Variants in PIK3R4 observed in about 807,000 individuals in gnomAD.
PIK3R4 encodes the protein phosphoinositide 3-kinase regulatory subunit 4.
A neutral mutation model predicts 136.5 loss-of-function variants in PIK3R4; 46 were observed. The observed-to-expected ratio is 0.34, with a 90% confidence interval of 0.27 to 0.43. PIK3R4 has a LOEUF of 0.43. Ranked by LOEUF, PIK3R4 falls within the 20% of genes least tolerant of loss-of-function variation. PIK3R4 has a pLI of 1.00. For missense variants in PIK3R4, 1,331 were observed against 1,649.5 expected, an observed-to-expected ratio of 0.81 and a Z score of 3.35; for synonymous variants, 557 against 566.7, an observed-to-expected ratio of 0.98 and a Z score of 0.24.
rs1409670926 is a variant in PIK3R4 at position 130,680,681 on chromosome 3, C to T, written c.3838G>A (p.Ala1280Thr). The T allele has an allele frequency of 1.9e-6, 3 of 1,612,868 alleles. No individual in the cohort carries two copies. In the African/African-American group the frequency reaches 4.0e-5, roughly 22 times the overall value. ...ACAGATGGGGAACTAGTACTTCCTG[C>T]AACAACATAGGACCTTTCTGGGTAA... ...LAYPERSYVV[A>T]GSTSSPSVSY... The change falls in exon 19 of 20, where the codon GCA becomes ACA. Residue 1280 changes from alanine (A) to threonine (T), a missense_variant. By Grantham distance (58) the Ala-to-Thr change is moderately conservative (BLOSUM62 0). Around this residue, in one of 2 missense-constraint regions of PIK3R4, gnomAD observed 1,180 missense variants for 1,407.0 expected, o/e 0.84. Coordinates refer to ENST00000356763, the MANE Select transcript of PIK3R4 (RefSeq NM_014602.3).
At chr3:130,686,068 A>G in intron 15 of PIK3R4, 143 bp downstream of exon 15, 1 of 614,642 alleles carries the variant, frequency 1.6e-6, no homozygotes, top group Non-Finnish European at 2.9e-6. Context: ...TAAAATTGCA[A>G]GTTATTTTAA....
At chr3:130,738,983 A>C (rs2066802999) in intron 2 of PIK3R4, among the ~76,000 whole-genome samples, 3 of 152,274 alleles carry the variant, frequency 2.0e-5, no homozygotes, top group Non-Finnish European at 4.4e-5. Context: ...ACAAAAATTC[A>C]ATCAGGCAAG....
intron 14 of PIK3R4, among the ~76,000 whole-genome samples, 178 bp from the exon 15 acceptor site, chr3:130,686,600 A>G (rs2066492635): frequency 6.6e-6 from 1 of 152,194 alleles, no homozygotes; most frequent in Admixed American, 6.5e-5. Context: ...TTGCAAAAAT[A>G]GTAGAGTTGC....
At chr3:130,735,666 T>A (rs1230248171) in intron 3 of PIK3R4, among the ~76,000 whole-genome samples, 1 of 152,186 alleles carries the variant, frequency 6.6e-6, no homozygotes, top group Admixed American at 6.5e-5. Context: ...AGATTTTTTT[T>A]AAGTCAAATG....
intron 7 of PIK3R4, among the ~76,000 whole-genome samples, chr3:130,721,303 G>C (rs548176244): frequency 2.0e-5 from 3 of 149,930 alleles, no homozygotes; most frequent in African/African-American, 4.9e-5. Flanking sequence ...CGCCACTGCA[G>C]TCCAGCCTGG....
chr3:130,741,567 C>T (rs1335015085), intron 2 of PIK3R4, among the ~76,000 whole-genome samples: 1 of 152,208 alleles, frequency 6.6e-6, no homozygotes, highest in Non-Finnish European at 1.5e-5. Flanking sequence ...ATCACTGAGT[C>T]TGTATCATTC....
chr3:130,680,210 G>A (rs1486888255), intron 19 of PIK3R4, among the ~76,000 whole-genome samples: 1 of 152,128 alleles, frequency 6.6e-6, no homozygotes, highest in Non-Finnish European at 1.5e-5. Flanking sequence ...AGGTGCTAAA[G>A]GTATATTCTC....
chr3:130,744,004 T>C (rs1559832638), intron 2 of PIK3R4, among the ~76,000 whole-genome samples: 1 of 152,230 alleles, frequency 6.6e-6, no homozygotes. Flanking sequence ...CAGGTTTCAA[T>C]GTAAATATCA....
chr3:130,698,091 T>C (rs755777793), intron 13 of PIK3R4, among the ~76,000 whole-genome samples: 1 of 152,208 alleles, frequency 6.6e-6, no homozygotes, highest in Non-Finnish European at 1.5e-5. Flanking sequence ...TTATAGAACA[T>C]CCCTTGTATG....
chr3:130,741,762 G>A (rs1179495807), intron 2 of PIK3R4, among the ~76,000 whole-genome samples: 4 of 152,108 alleles, frequency 2.6e-5, no homozygotes, highest in Non-Finnish European at 4.4e-5. Context: ...GCTCCATAAT[G>A]GCAAAAGCTT....
Position 130,739,072 on chromosome 3 carries a change from TTTTTG to T in PIK3R4, c.734-3075_734-3071del, listed in dbSNP as rs567098445. ...ATTAGCACACCTTTTTTTGTTTGTT[TTTTTG>T]TTTTGTTTTGTTTTTTTGAGACGGA... On this transcript the variant is annotated intron_variant, in intron 2 of 19. Transcript: ENST00000356763. Among the ~76,000 whole-genome samples, 282 of 152,008 alleles carry T rather than the reference TTTTTG, an allele frequency of 1.9e-3. 2 individuals are homozygous for T. Among genetic ancestry groups the T allele is most frequent in the African/African-American group, 6.6e-3 (272 of 41,526 alleles).
intron 2 of PIK3R4, among the ~76,000 whole-genome samples, chr3:130,739,738 C>T (rs562395794): frequency 6.6e-6 from 1 of 152,086 alleles, no homozygotes; most frequent in Non-Finnish European, 1.5e-5. Flanking sequence ...AAATAAAAAA[C>T]TATAGAGGGG....
intron 15 of PIK3R4, 124 bp downstream of exon 15, chr3:130,686,087 T>TG (rs2066488060): frequency 1.6e-6 from 1 of 628,966 alleles, no homozygotes; most frequent in East Asian, 2.8e-5. Flanking sequence ...AACATGACTA[T>TG]GAAAAAAAAA....
At chr3:130,686,048 GA>G (rs199827226) in intron 15 of PIK3R4, among the ~76,000 whole-genome samples, 162 bp downstream of exon 15, 18 of 113,924 alleles carry the variant, frequency 1.6e-4, no homozygotes, top group African/African-American at 3.3e-4. Flanking sequence ...GTTTTTTAAT[GA>G]AAAAAAAATA....
In PIK3R4 at chr3:130,719,304, T is replaced by C. The variant is rs571126133; in HGVS notation, c.1982-770A>G. 1.5e-4 allele frequency among the ~76,000 whole-genome samples: 23 copies of C among 152,132 alleles called. No homozygotes were observed. The East Asian group carries it at 2.3e-3, about 15-fold the overall frequency. Reference sequence around the variant, plus strand: ...TCCAAACTTTTAAAGGCAAGAAAAATTGTATTAGCTCTGAGCATGCAAACA... The same window carrying C: ...TCCAAACTTTTAAAGGCAAGAAAAACTGTATTAGCTCTGAGCATGCAAACA... On this transcript the variant is annotated intron_variant, in intron 7 of 19. Coordinates refer to ENST00000356763, the MANE Select transcript of PIK3R4 (RefSeq NM_014602.3).
chr3:130,717,641 G>C (rs1412676458), intron 8 of PIK3R4, among the ~76,000 whole-genome samples: 1 of 152,118 alleles, frequency 6.6e-6, no homozygotes, highest in Non-Finnish European at 1.5e-5. Flanking sequence ...AGTTTCCAGA[G>C]TTTATCCAAG....
chr3:130,690,705 G>A, intron 13 of PIK3R4, 51 bp from the exon 14 acceptor site: 4 of 1,156,624 alleles, frequency 3.5e-6, no homozygotes, highest in Non-Finnish European at 5.0e-6. Context: ...CACTGCTAAT[G>A]TTAAATATCC....
chr3:130,719,974 C>T (rs2066689720), intron 7 of PIK3R4, among the ~76,000 whole-genome samples: 2 of 152,136 alleles, frequency 1.3e-5, no homozygotes, highest in South Asian at 2.1e-4. Flanking sequence ...TCACAGTCAT[C>T]ACAGACAACC....
At chr3:130,734,224 G>GGTTCTGAAA in intron 3 of PIK3R4, 94 bp from the exon 4 acceptor site, 1 of 990,784 alleles carries the variant, frequency 1.0e-6, no homozygotes, top group Non-Finnish European at 1.5e-6. Flanking sequence ...ACGATTTAAA[G>GGTTCTGAAA]GATCTTTCAG....
Sources: allele counts gnomAD v4.1 joint callset (sites outside exome capture counted in the v4.1 genomes callset), GRCh38; gene constraint gnomAD v4.1.1; regional missense constraint gnomAD v4.1.1; transcripts MANE v1.5; gene names NCBI Gene and HGNC (gene_info 2026-07-23, HGNC 2026-07-21).